HSPA12B: variants seen among roughly 807,000 people sequenced by gnomAD.
The protein encoded by HSPA12B is heat shock protein family A (Hsp70) member 12B.
In HSPA12B, 54 loss-of-function variants were observed where a neutral mutation model predicts 69.3. The observed-to-expected ratio is 0.78, with a 90% CI of 0.63 to 0.98. HSPA12B has a LOEUF of 0.98. Among genes scored for constraint, HSPA12B ranks in the 50% least tolerant of loss-of-function variants. The pLI is 0.00. For synonymous variants in HSPA12B, 441 were observed against 436.5 expected, an observed-to-expected ratio of 1.01 and a Z score of -0.13; for missense variants, 929 against 999.8, an observed-to-expected ratio of 0.93 and a Z score of 0.96.
Position 3,749,871 on chromosome 20 carries a change from C to T in HSPA12B, c.1042+17C>T, listed in dbSNP as rs760730514. On this transcript the variant is annotated intron_variant, in intron 10 of 12. Coordinates refer to ENST00000254963, the MANE Select transcript of HSPA12B (RefSeq NM_052970.5). This position sits in a 1 kb window ranked among gnomAD's most constrained non-coding sequence, Gnocchi z 5.5. ...AGGCATCTGGTGAGTAGCCAGGCGG[C>T]GCCCCGGTACCCAGCGCGACCCGGG... is the stretch of plus-strand genomic sequence containing the variant. The T allele has an allele frequency of 5.1e-6, 8 of 1,577,296 alleles. No homozygotes were observed. Among genetic ancestry groups the T allele is most frequent in the Non-Finnish European group, 5.2e-6 (6 of 1,161,780 alleles).
At position 3,751,601 on chromosome 20, in the gene HSPA12B, T is replaced by G. The variant is rs972056637; in HGVS notation, c.1496T>G (p.Val499Gly). Residue 499 changes from valine (V) to glycine (G), a missense_variant, in exon 13 of 13, where the codon GTG becomes GGG. Transcript: ENST00000254963. ...FAESAVLQHA[V>G]QAALGARGLR... ...GAGTCAGCGGTGCTGCAGCACGCGG[T>G]GCAGGCGGCGCTGGGCGCCCGCGGT... is the stretch of plus-strand genomic sequence containing the variant. 2.0e-6 allele frequency: 3 copies of G among 1,526,410 alleles called. No homozygotes were observed. Among genetic ancestry groups the G allele is most frequent in the African/African-American group, 1.4e-5 (1 of 71,586 alleles). 94.6% of individuals were successfully genotyped at this position (1,526,410 alleles called of 1,614,324 possible). A position where few individuals can be genotyped will look rare whatever the true frequency, so the allele number is the denominator to read the frequency against.
intron 7 of HSPA12B, among the ~76,000 whole-genome samples, chr20:3,746,286 C>A (rs2088300983): frequency 7.0e-6 from 1 of 143,156 alleles, no homozygotes; most frequent in African/African-American, 2.6e-5. Context: ...AAAAGCAGAG[C>A]CCAAGATGGA....
chr20:3,750,499 T>G (rs1484262228), intron 11 of HSPA12B, among the ~76,000 whole-genome samples: 1 of 152,104 alleles, frequency 6.6e-6, no homozygotes, highest in Non-Finnish European at 1.5e-5. Context: ...CAGCCTTCTC[T>G]ACACCCCCAC....
chr20:3,751,294 A>G, intron 12 of HSPA12B: 1 of 985,456 alleles, frequency 1.0e-6, no homozygotes. Flanking sequence ...GTGGTGGGAG[A>G]GAAGTGGGGA....
rs1161444324 is a variant in HSPA12B, at chr20:3,751,506, C to T, written c.1406-5C>T. The T allele has an allele frequency of 3.5e-6, 5 of 1,415,988 alleles. No individual in the cohort carries two copies. Among genetic ancestry groups the T allele is most frequent in the Non-Finnish European group, 2.8e-6 (3 of 1,086,208 alleles). The allele number at this position is 1,415,988 out of a possible 1,614,324, so 87.7% of individuals were successfully genotyped here. A position where few individuals can be genotyped will look rare whatever the true frequency, so the allele number is the denominator to read the frequency against. ...TCACCCGCGTCCCCCCGTCCTGTCC[C>T]GCAGAGGCCCTGCTGGCACGGCCGG... On this transcript the variant is annotated splice_polypyrimidine_tract_variant and splice_region_variant and intron_variant, in intron 12 of 12. Transcript: ENST00000254963.
At position 3,745,517 on chromosome 20, in the gene HSPA12B, G is replaced by C. The variant is rs754169412; in HGVS notation, c.478G>C (p.Glu160Gln). The change falls in exon 6 of 13, where the codon GAG (glutamate) becomes CAG (glutamine). Residue 160 changes from glutamate to glutamine, a missense_variant. By Grantham distance (29) the Glu-to-Gln change is conservative (BLOSUM62 2). This residue lies in a region of HSPA12B where 477 missense variants were observed against 535.2 expected (regional missense o/e 0.89). Transcript: ENST00000254963. This position sits in a 1 kb window ranked among gnomAD's most constrained non-coding sequence, Gnocchi z 5.6. ...ATDLTLKTQLEAVNGKTMPAL... is the reference protein window; with the variant it reads ...ATDLTLKTQLQAVNGKTMPAL... ...GGATCTCACCTTGAAGACCCAGCTA[G>C]AGGCAGTAAATGGAAAGACGATGCC... 2.5e-6 allele frequency: 4 copies of C among 1,614,048 alleles called. No individual in the cohort carries two copies. The highest frequency in any genetic ancestry group is 3.4e-6 in the Non-Finnish European group (4 of 1,180,022).
rs758326453 is a variant in HSPA12B at position 3,752,016 on chromosome 20, C to A, written c.1911C>A (p.Ala637=). 5.8e-6 allele frequency: 9 copies of A among 1,564,794 alleles called. No individual in the cohort carries two copies. The South Asian group carries it at 9.1e-5, about 16-fold the overall frequency. Residue 637 remains alanine (A), a synonymous_variant, in exon 13 of 13, where the codon GCC becomes GCA. Coordinates refer to ENST00000254963, the MANE Select transcript of HSPA12B (RefSeq NM_052970.5). ...CGCTCAGCCTCGAGCTTGAGCCCGC[C>A]GACTGCGGCCAGGACACCGCCGGCG... is the stretch of plus-strand genomic sequence containing the variant. ...CGALSLELEP[A]DCGQDTAGAP...
intron 3 of HSPA12B, among the ~76,000 whole-genome samples, 193 bp downstream of exon 3, chr20:3,741,105 G>A (rs1373104519): frequency 1.3e-5 from 2 of 152,040 alleles, no homozygotes; most frequent in African/African-American, 4.8e-5. Context: ...ACTATAAAGG[G>A]TAACAATTCT....
rs1388131753 is a variant in HSPA12B, at chr20:3,752,983, C to T, written c.*817C>T. ...TGACTCGGTATGCCTTTAGGACATTCTCTTACCGCTCATGGGCCTCAGTTT... is the reference window on the plus strand; with the variant it reads ...TGACTCGGTATGCCTTTAGGACATTTTCTTACCGCTCATGGGCCTCAGTTT... On this transcript the variant is annotated 3_prime_UTR_variant, in exon 13 of 13. Coordinates refer to ENST00000254963, the MANE Select transcript of HSPA12B (RefSeq NM_052970.5). 3 of 153,484 alleles carry T rather than the reference C, an allele frequency of 2.0e-5. No individual in the cohort carries two copies. The East Asian group carries it at 5.8e-4, about 30-fold the overall frequency. The allele number at this position is 153,484 out of a possible 1,614,324, so 9.5% of individuals were successfully genotyped here. A position where few individuals can be genotyped will look rare whatever the true frequency, so the allele number is the denominator to read the frequency against.
chr20:3,741,312 CAAAAAA>C (rs34562275), intron 3 of HSPA12B, among the ~76,000 whole-genome samples: 1 of 140,636 alleles, frequency 7.1e-6, no homozygotes, highest in African/African-American at 2.7e-5. Flanking sequence ...GATGTGTTGC[CAAAAAA>C]AAAAAAAAAT....
chr20:3,751,856 T>A lies in HSPA12B; in HGVS notation c.1751T>A (p.Val584Glu). 6.5e-7 allele frequency: 1 copy of A among 1,548,852 alleles called. No individual in the cohort carries two copies. The highest frequency in any genetic ancestry group is 8.7e-7 in the Non-Finnish European group (1 of 1,153,170). The change falls in exon 13 of 13, where the codon GTG becomes GAG. Residue 584 changes from valine to glutamate, a missense_variant. Val to Glu is a moderately radical substitution (Grantham distance 121). Coordinates refer to ENST00000254963, the MANE Select transcript of HSPA12B (RefSeq NM_052970.5). ...CGCTTCGTGGCCGCCGAGCAGTCGG[T>A]GGCCCTGGGCGAGGAGGTGCGGCGC... ...FERFVAAEQS[V>E]ALGEEVRRSY...
Position 3,749,686 on chromosome 20 carries a change from G to A in HSPA12B, c.938-64G>A. The A allele has an allele frequency of 8.1e-7, 1 of 1,227,738 alleles. No homozygotes were observed. The highest frequency in any genetic ancestry group is 2.6e-5 in the East Asian group (1 of 38,958). 76.1% of individuals were successfully genotyped at this position (1,227,738 alleles called of 1,614,324 possible). A position where few individuals can be genotyped will look rare whatever the true frequency, so the allele number is the denominator to read the frequency against. ...CAGGGCTGGAGGCTGGGCGAGGCTG[G>A]AGGGGGCGCAGGGCTGAGGGTGCGA... On this transcript the variant is annotated intron_variant, in intron 9 of 12. Coordinates refer to ENST00000254963, the MANE Select transcript of HSPA12B (RefSeq NM_052970.5). The surrounding 1 kb of genome is among the most constrained non-coding windows in gnomAD (Gnocchi z 5.5).
chr20:3,751,805 G>T lies in HSPA12B; in HGVS notation c.1700G>T (p.Arg567Leu). Residue 567 changes from arginine (R) to leucine (L), a missense_variant, in exon 13 of 13, where the codon CGC becomes CTC. Physicochemically the swap from Arg to Leu is moderately radical, Grantham distance 102. Transcript: ENST00000254963. ...PPEKLLVRDG[R>L]RWCTDVFERF... The stretch of plus-strand genomic sequence containing the variant: ...GAAAAGCTGCTGGTTCGCGACGGCC[G>T]CCGCTGGTGCACCGACGTCTTCGAG... 1 of 1,529,346 alleles carries T rather than the reference G, an allele frequency of 6.5e-7. No homozygotes were observed. The allele number at this position is 1,529,346 out of a possible 1,614,324, so 94.7% of individuals were successfully genotyped here.
In HSPA12B at chr20:3,745,440, G is replaced by A; in HGVS notation, c.454-53G>A. The A allele has an allele frequency of 7.7e-7, 1 of 1,304,336 alleles. No individual in the cohort carries two copies. The highest frequency in any genetic ancestry group is 1.1e-6 in the Non-Finnish European group (1 of 897,974). The allele number at this position is 1,304,336 out of a possible 1,614,324, so 80.8% of individuals were successfully genotyped here. A position where few individuals can be genotyped will look rare whatever the true frequency, so the allele number is the denominator to read the frequency against. ...GTGATTTTAAGAGCGAGGTCGTCAG[G>A]AAATGAGTGCCAAGCTGAGGCCTCC... On this transcript the variant is annotated intron_variant, in intron 5 of 12. Coordinates refer to ENST00000254963, the MANE Select transcript of HSPA12B (RefSeq NM_052970.5). The surrounding 1 kb of genome is among the most constrained non-coding windows in gnomAD (Gnocchi z 5.6).
intron 2 of HSPA12B, among the ~76,000 whole-genome samples, chr20:3,738,980 C>G (rs1221953345): frequency 6.6e-6 from 1 of 152,044 alleles, no homozygotes; most frequent in Non-Finnish European, 1.5e-5. Context: ...ACAGGACCCT[C>G]ATGTGTATAT....
At chr20:3,743,387 G>A (rs952131999) in intron 4 of HSPA12B, among the ~76,000 whole-genome samples, 1 of 151,784 alleles carries the variant, frequency 6.6e-6, no homozygotes, top group Non-Finnish European at 1.5e-5. Context: ...GGAGAGACAG[G>A]GTCTCACTGT....
At position 3,752,150 on chromosome 20, in the gene HSPA12B, A is replaced by T. The variant is rs375139971; in HGVS notation, c.2045A>T (p.Asp682Val). The part of the protein sequence containing the change: ...STNRSVRASI[D>V]FLSN ...AATCGCTCCGTGCGCGCGTCCATCGACTTTCTTTCCAACTGAGGGCGCGCC... is the reference window on the plus strand; with the variant it reads ...AATCGCTCCGTGCGCGCGTCCATCGTCTTTCTTTCCAACTGAGGGCGCGCC... Residue 682 changes from aspartate (D) to valine (V), a missense_variant, in exon 13 of 13, where the codon GAC (aspartate) becomes GTC (valine). By Grantham distance (152) the Asp-to-Val change is radical. Around this residue, in one of 3 missense-constraint regions of HSPA12B, gnomAD observed 448 missense variants for 448.1 expected, o/e 1.00. Transcript: ENST00000254963. The T allele has an allele frequency of 2.7e-6, 4 of 1,456,622 alleles. No individual in the cohort carries two copies. Among genetic ancestry groups the T allele is most frequent in the Non-Finnish European group, 3.6e-6 (4 of 1,111,806 alleles). 90.2% of individuals were successfully genotyped at this position (1,456,622 alleles called of 1,614,324 possible). A position where few individuals can be genotyped will look rare whatever the true frequency, so the allele number is the denominator to read the frequency against.
chr20:3,741,156 C>T (rs953383980), intron 3 of HSPA12B, among the ~76,000 whole-genome samples: 1 of 152,120 alleles, frequency 6.6e-6, no homozygotes, highest in Non-Finnish European at 1.5e-5. Flanking sequence ...CCCAACCCCC[C>T]CACACAGGAG....
chr20:3,741,067 C>T (rs532989931), intron 3 of HSPA12B, among the ~76,000 whole-genome samples, 155 bp downstream of exon 3: 13 of 152,242 alleles, frequency 8.5e-5, no homozygotes, highest in African/African-American at 2.6e-4. Context: ...ATGTGCCCCC[C>T]AGAAGGATTG....
Sources: gnomAD v4.1 joint callset for allele counts (sites outside exome capture counted in the v4.1 genomes callset) on GRCh38, gnomAD v4.1.1 for gene constraint, gnomAD v4.1.1 regional missense constraint, Gnocchi (gnomAD v3.1) non-coding constraint, MANE v1.5 for transcripts, NCBI Gene and HGNC (gene_info 2026-07-23, HGNC 2026-07-21) for gene names.